Variants in PCDHA7 observed in about 807,000 individuals in gnomAD.
PCDHA7 encodes the protein protocadherin alpha 7.
Under a neutral mutation model 57.2 loss-of-function variants are expected in PCDHA7, and 37 were observed. The ratio of observed to expected loss-of-function variants is 0.65; its 90% CI spans 0.50 to 0.85. The LOEUF is 0.85. Among genes scored for constraint, PCDHA7 ranks in the 40% least tolerant of loss-of-function variants. The probability of loss-of-function intolerance (pLI) is 0.00; values close to 1 mark genes in which losing one functional copy is unlikely to be tolerated. For synonymous variants in PCDHA7, 553 were observed against 558.8 expected (o/e 0.99, Z 0.15); for missense variants, 1,188 against 1,241.8 (o/e 0.96, Z 0.65).
intron 2 of PCDHA7, among the ~76,000 whole-genome samples, chr5:140,982,016 A>C (rs2096962660): frequency 6.6e-6 from 1 of 152,260 alleles, no homozygotes; most frequent in African/African-American, 2.4e-5. Context: ...TTAGATAGCC[A>C]AATTGGAACA....
chr5:140,871,799 T>C (rs1183689356), intron 1 of PCDHA7, among the ~76,000 whole-genome samples: 2 of 152,196 alleles, frequency 1.3e-5, no homozygotes, highest in Non-Finnish European at 2.9e-5. Context: ...AAATAATTAC[T>C]ATTTTCACTA....
intron 1 of PCDHA7, among the ~76,000 whole-genome samples, chr5:140,855,644 T>G (rs1324111294): frequency 6.7e-6 from 1 of 149,848 alleles, no homozygotes; most frequent in Non-Finnish European, 1.5e-5. Context: ...TTGATAATCA[T>G]GTGGTTAGGG....
At chr5:140,881,594 A>G (rs1464236535) in intron 1 of PCDHA7, among the ~76,000 whole-genome samples, 7 of 152,244 alleles carry the variant, frequency 4.6e-5, no homozygotes, top group Admixed American at 6.5e-5. Context: ...AGGGAAATTT[A>G]TTAATATGAT....
intron 1 of PCDHA7, among the ~76,000 whole-genome samples, chr5:140,924,902 AAAATAAAATAAAAT>A (rs1442290811): frequency 5.1e-5 from 2 of 39,026 alleles, no homozygotes; most frequent in East Asian, 1.3e-3. Flanking sequence ...CTCAAAAAAA[AAAATAAAATAAAAT>A]AAAATAAAAT....
At chr5:140,898,703 G>A (rs2066931625) in intron 1 of PCDHA7, among the ~76,000 whole-genome samples, 1 of 152,068 alleles carries the variant, frequency 6.6e-6, no homozygotes, top group Non-Finnish European at 1.5e-5. Context: ...GAACTTTAAA[G>A]TAGTTTTTTC....
At chr5:140,908,668 A>C (rs2074091776) in intron 1 of PCDHA7, among the ~76,000 whole-genome samples, 1 of 152,194 alleles carries the variant, frequency 6.6e-6, no homozygotes, top group Non-Finnish European at 1.5e-5. Flanking sequence ...AAAGGCTCCA[A>C]ATAGCATCCC....
chr5:140,994,189 G>T (rs992894961), intron 3 of PCDHA7, among the ~76,000 whole-genome samples: 2 of 152,176 alleles, frequency 1.3e-5, no homozygotes, highest in Admixed American at 6.5e-5. Context: ...AACCACCAGG[G>T]CCTGTTGGTC....
chr5:140,924,597 G>A lies in PCDHA7; in HGVS notation c.2356-54352G>A, dbSNP rs1278228526. ...ATGTTTTCAAATATTATAGAAATATGCAGGCTGATGCCAGGTGCGGTGGCA... is the reference window on the plus strand; with the variant it reads ...ATGTTTTCAAATATTATAGAAATATACAGGCTGATGCCAGGTGCGGTGGCA... On this transcript the variant is annotated intron_variant, in intron 1 of 3. Coordinates refer to ENST00000525929, the MANE Select transcript of PCDHA7 (RefSeq NM_018910.3). Among the ~76,000 whole-genome samples the A allele has an allele frequency of 2.6e-5, 4 of 152,078 alleles. No homozygotes were observed. The East Asian group carries it at 7.7e-4, about 29-fold the overall frequency.
intron 1 of PCDHA7, chr5:140,875,542 T>G: frequency 6.2e-7 from 1 of 1,614,134 alleles, no homozygotes. Context: ...CCTTGCAGCC[T>G]GGGAGGTGGG....
chr5:140,850,730 G>A lies in PCDHA7; in HGVS notation c.2355+13992G>A, dbSNP rs1439103901. The A allele has an allele frequency of 7.5e-6, 12 of 1,597,860 alleles. 2 individuals carry two copies. Among genetic ancestry groups the A allele is most frequent in the African/African-American group, 4.0e-5 (3 of 74,192 alleles). On this transcript the variant is annotated intron_variant, in intron 1 of 3. Transcript: ENST00000525929. The stretch of plus-strand genomic sequence containing the variant: ...CGACGCTGGTGTGTTCTAGCGCGGT[G>A]GGGAGTTGGTCGTACTCGCAGCAGA...
intron 1 of PCDHA7, chr5:140,877,139 T>C (rs781891057): frequency 8.7e-6 from 14 of 1,613,764 alleles, no homozygotes; most frequent in Admixed American, 1.7e-5. Context: ...GTGTTCGTGC[T>C]GGACGAGAAC....
At chr5:140,849,860 C>A in intron 1 of PCDHA7, 1 of 1,598,548 alleles carries the variant, frequency 6.3e-7, no homozygotes, top group South Asian at 1.1e-5. Flanking sequence ...CACCAGCGTT[C>A]GCGCAGTCCG....
At chr5:140,976,491 C>T (rs1478947639) in intron 1 of PCDHA7, among the ~76,000 whole-genome samples, 2 of 152,172 alleles carry the variant, frequency 1.3e-5, no homozygotes, top group East Asian at 1.9e-4. Context: ...GCAGAGGTTG[C>T]AGGGAGCCAA....
intron 1 of PCDHA7, chr5:140,841,301 G>A (rs2150312964): frequency 2.0e-6 from 3 of 1,536,446 alleles, no homozygotes; most frequent in Admixed American, 3.9e-5. Flanking sequence ...AATATTTTCT[G>A]ATAGGAAACG....
intron 1 of PCDHA7, chr5:140,841,491 C>G: frequency 6.2e-7 from 1 of 1,613,066 alleles, no homozygotes; most frequent in Non-Finnish European, 8.5e-7. Flanking sequence ...CTGGAGCTGG[C>G]GGAGCTGGTG....
At chr5:140,895,351 T>C (rs1367078085) in intron 1 of PCDHA7, among the ~76,000 whole-genome samples, 2 of 152,180 alleles carry the variant, frequency 1.3e-5, no homozygotes, top group Admixed American at 1.3e-4. Context: ...TGCTTTCCAG[T>C]GAGTACTTAT....
Position 140,838,095 on chromosome 5 carries a change from T to TA in PCDHA7, c.2355+1357_2355+1358insA, listed in dbSNP as rs1554136885. On this transcript the variant is annotated intron_variant, in intron 1 of 3. Transcript: ENST00000525929. ...TATATATAGTGTGTGTGTGTGTGTG[T>TA]GTGTGTGTGTGTGTGTGTGTGTGTG... 2.7e-5 allele frequency among the ~76,000 whole-genome samples: 4 copies of TA among 145,996 alleles called. 1 individual carries two copies. The highest frequency in any genetic ancestry group is 1.0e-4 in the African/African-American group (4 of 39,008).
chr5:140,883,377 C>T lies in PCDHA7; in HGVS notation c.2355+46639C>T, dbSNP rs1436655611. On this transcript the variant is annotated intron_variant, in intron 1 of 3. Coordinates refer to ENST00000525929, the MANE Select transcript of PCDHA7 (RefSeq NM_018910.3). ...GACACTCAGCCTAGCGCCATTATTG[C>T]CCTAATCAGTGTGTCCGATCGTGAC... The T allele has an allele frequency of 1.5e-5, 25 of 1,614,054 alleles. No individual in the cohort carries two copies. Among genetic ancestry groups the T allele is most frequent in the Non-Finnish European group, 2.0e-5 (24 of 1,180,036 alleles).
intron 1 of PCDHA7, chr5:140,841,663 G>A: frequency 2.5e-6 from 4 of 1,614,102 alleles, no homozygotes; most frequent in Non-Finnish European, 3.4e-6. Flanking sequence ...ACAGGCCGCT[G>A]CAGGTTTTCC....
Sources: allele counts gnomAD v4.1 joint callset (sites outside exome capture counted in the v4.1 genomes callset), GRCh38; gene constraint gnomAD v4.1.1; transcripts MANE v1.5; gene names NCBI Gene and HGNC (gene_info 2026-07-23, HGNC 2026-07-21).